The following COP1 variants were observed in gnomAD, a reference collection of about 807,000 sequenced individuals.
COP1 encodes the protein E3 ubiquitin-protein ligase COP1.
In COP1, 24 loss-of-function variants were observed where a neutral mutation model predicts 101.3. That is an observed-to-expected ratio of 0.24 (90% CI 0.17 to 0.33). The LOEUF is 0.33. Among genes scored for constraint, COP1 ranks in the 10% least tolerant of loss-of-function variants. COP1 has a pLI of 1.00. For synonymous variants in COP1, 347 were observed against 341.9 expected, an observed-to-expected ratio of 1.01 and a Z score of -0.17; for missense variants, 663 against 906.2, an observed-to-expected ratio of 0.73 and a Z score of 3.45.
At chr1:176,112,351 T>C (rs1042721732) in intron 9 of COP1, among the ~76,000 whole-genome samples, 2 of 152,182 alleles carry the variant, frequency 1.3e-5, no homozygotes, top group African/African-American at 2.4e-5. Context: ...TTAGGGTACA[T>C]GTGCACAACG....
At chr1:176,080,105 A>C (rs1417741050) in intron 11 of COP1, among the ~76,000 whole-genome samples, 1 of 152,250 alleles carries the variant, frequency 6.6e-6, no homozygotes, top group African/African-American at 2.4e-5. Context: ...GGAAATTAAA[A>C]GGTATTTTGA....
At chr1:176,030,180 A>C (rs1158164413) in intron 14 of COP1, among the ~76,000 whole-genome samples, 1 of 152,170 alleles carries the variant, frequency 6.6e-6, no homozygotes, top group Non-Finnish European at 1.5e-5. Flanking sequence ...GATTTGTTCC[A>C]TGTTATTCTC....
At chr1:175,996,536 CA>C (rs1660202218) in intron 15 of COP1, among the ~76,000 whole-genome samples, 1 of 151,978 alleles carries the variant, frequency 6.6e-6, no homozygotes, top group South Asian at 2.1e-4. Flanking sequence ...AGCTGATAAG[CA>C]ACTTCAGCAA....
intron 2 of COP1, among the ~76,000 whole-genome samples, chr1:176,177,259 A>G (rs1697087918): frequency 6.6e-6 from 1 of 151,602 alleles, no homozygotes; most frequent in Non-Finnish European, 1.5e-5. Context: ...AACCTTTTAC[A>G]TTTGTGTGCC....
chr1:176,083,881 TAG>T (rs2149411720), intron 10 of COP1, among the ~76,000 whole-genome samples: 1 of 152,288 alleles, frequency 6.6e-6, no homozygotes, highest in South Asian at 2.1e-4. Context: ...TCCTGAAAAC[TAG>T]AGACATGTTT....
intron 5 of COP1, among the ~76,000 whole-genome samples, chr1:176,156,956 T>C (rs1693543208): frequency 6.6e-6 from 1 of 152,028 alleles, no homozygotes; most frequent in South Asian, 2.1e-4. Flanking sequence ...TCAGCACTTT[T>C]GGAGGCCAAG....
At chr1:176,111,947 T>C (rs10158829) in intron 9 of COP1, among the ~76,000 whole-genome samples, 9,019 of 152,292 alleles carry the variant, frequency 0.059, 609 homozygotes, top group African/African-American at 0.16. Context: ...CTCTAACAGA[T>C]GCTAAGAATT....
At chr1:175,948,418 T>C (rs1649450889) in intron 18 of COP1, among the ~76,000 whole-genome samples, 1 of 152,186 alleles carries the variant, frequency 6.6e-6, no homozygotes, top group Admixed American at 6.5e-5. Flanking sequence ...ATAACAGCTA[T>C]GAGAAACAGA....
At chr1:175,946,338 T>G (rs573596082) in intron 19 of COP1, among the ~76,000 whole-genome samples, 1 of 152,368 alleles carries the variant, frequency 6.6e-6, no homozygotes, top group Non-Finnish European at 1.5e-5. Flanking sequence ...ATTTCACCTC[T>G]GTAGAATGTT....
Position 175,986,996 on chromosome 1 carries a change from C to T in COP1, c.2080G>A (p.Asp694Asn). ...KSVLDKDRKE[D>N]DTNEFVSAVC... is the part of the protein sequence containing the mutation. The stretch of plus-strand genomic sequence containing the variant: ...GCACTAACAAATTCATTTGTATCAT[C>T]TTCTTTTCGGTCTTTGTCGAGAACA... Residue 694 changes from aspartate (D) to asparagine (N), a missense_variant, in exon 18 of 20, where the codon GAT becomes AAT. This residue lies in a region of COP1 where 209 missense variants were observed against 383.3 expected (regional missense o/e 0.55). Transcript: ENST00000367669. 3 of 1,611,690 alleles carry T rather than the reference C, an allele frequency of 1.9e-6. No homozygotes were observed. The highest frequency in any genetic ancestry group is 2.5e-6 in the Non-Finnish European group (3 of 1,179,110).
intron 11 of COP1, among the ~76,000 whole-genome samples, chr1:176,066,585 G>GC (rs11304741): frequency 6.6e-6 from 1 of 152,142 alleles, no homozygotes; most frequent in African/African-American, 2.4e-5. Flanking sequence ...TTTACTGGCA[G>GC]CCCAGTGGCT....
intron 9 of COP1, among the ~76,000 whole-genome samples, chr1:176,104,562 T>A (rs943646028): frequency 6.6e-6 from 1 of 152,130 alleles, no homozygotes; most frequent in African/African-American, 2.4e-5. Context: ...ACATAGTCAA[T>A]CTCATTTATA....
chr1:176,078,245 T>A (rs1678433016), intron 11 of COP1, among the ~76,000 whole-genome samples: 1 of 152,158 alleles, frequency 6.6e-6, no homozygotes, highest in African/African-American at 2.4e-5. Flanking sequence ...CTTCAATTTA[T>A]ACTATCAGGC....
intron 4 of COP1, 63 bp from the exon 5 acceptor site, chr1:176,163,051 A>T: frequency 6.7e-7 from 1 of 1,498,562 alleles, no homozygotes; most frequent in Non-Finnish European, 9.0e-7. Flanking sequence ...AGACTAAAAC[A>T]AATGTTTACT....
At chr1:175,963,422 C>T (rs1451279131) in intron 18 of COP1, among the ~76,000 whole-genome samples, 1 of 152,114 alleles carries the variant, frequency 6.6e-6, no homozygotes, top group Non-Finnish European at 1.5e-5. Flanking sequence ...CTCTAGCTTT[C>T]TGCAGTATAG....
At chr1:176,051,005 T>C (rs1293055179) in intron 11 of COP1, among the ~76,000 whole-genome samples, 1 of 152,148 alleles carries the variant, frequency 6.6e-6, no homozygotes, top group Non-Finnish European at 1.5e-5. Flanking sequence ...TTACATTATA[T>C]ATAGTGATAA....
intron 18 of COP1, among the ~76,000 whole-genome samples, chr1:175,972,544 A>G (rs1653505312): frequency 7.0e-6 from 1 of 143,372 alleles, no homozygotes; most frequent in Non-Finnish European, 1.5e-5. Context: ...GGCTCACTGC[A>G]ACTGCCACCT....
At chr1:176,185,709 A>T (rs983258095) in intron 1 of COP1, among the ~76,000 whole-genome samples, 1 of 152,252 alleles carries the variant, frequency 6.6e-6, no homozygotes, top group Non-Finnish European at 1.5e-5. Context: ...GGAAGAAAGG[A>T]GGATACTGGT....
rs148174208 is a variant in COP1, at chr1:176,192,656, T to C, written c.408-7964A>G. ...AGTACCCAATCACAGGCCAATCAAC[T>C]GGGGAAGATACCAAGTTCACACAGA... On this transcript the variant is annotated intron_variant, in intron 1 of 19. Transcript: ENST00000367669. Among the ~76,000 whole-genome samples the C allele has an allele frequency of 2.0e-5, 3 of 152,194 alleles. No homozygotes were observed. The East Asian group carries it at 5.8e-4, about 29-fold the overall frequency.
Sources: gnomAD v4.1 joint callset for allele counts (sites outside exome capture counted in the v4.1 genomes callset) on GRCh38, gnomAD v4.1.1 for gene constraint, gnomAD v4.1.1 regional missense constraint, MANE v1.5 for transcripts, NCBI Gene and HGNC (gene_info 2026-07-23, HGNC 2026-07-21) for gene names.